Variants in PKD1L1 observed in about 807,000 individuals in gnomAD.
PKD1L1 encodes polycystin-1-like protein 1.
In PKD1L1, 236 loss-of-function variants were observed where a neutral mutation model predicts 323.4. The ratio of observed to expected loss-of-function variants is 0.73; its 90% confidence interval spans 0.66 to 0.81. The LOEUF (loss-of-function observed/expected upper bound fraction) is 0.81, where lower values mean the gene tolerates loss of function less well. Ranked by LOEUF, PKD1L1 falls within the 40% of genes least tolerant of loss-of-function variation. The pLI, the probability that PKD1L1 is intolerant of heterozygous loss-of-function variation, is 0.00. For missense variants in PKD1L1, 3,320 were observed against 3,508.0 expected (o/e 0.95, Z 1.35); for synonymous variants, 1,344 against 1,335.0 (o/e 1.01, Z -0.15).
At chr7:47,778,520 C>G (rs17545292) in intron 56 of PKD1L1, among the ~76,000 whole-genome samples, 1 of 152,016 alleles carries the variant, frequency 6.6e-6, no homozygotes, top group Admixed American at 6.5e-5. Flanking sequence ...AGCCCTCAAA[C>G]AGGTGAAGAT....
chr7:47,892,001 G>C (rs1786830037), intron 15 of PKD1L1, among the ~76,000 whole-genome samples: 1 of 152,180 alleles, frequency 6.6e-6, no homozygotes, highest in African/African-American at 2.4e-5. Flanking sequence ...CAGGGGTTGG[G>C]AAAACAACGC....
rs145295983 is a variant in PKD1L1 at position 47,845,064 on chromosome 7, G to A, written c.5168C>T (p.Ala1723Val). Residue 1723 changes from alanine (A) to valine (V), a missense_variant, in exon 33 of 57, where the codon GCG becomes GTG. Ala to Val is a moderately conservative substitution (Grantham distance 64). Coordinates refer to ENST00000289672, the MANE Select transcript of PKD1L1 (RefSeq NM_138295.5). ...CTTTCTCCTTAGGAGAGCGAATGCC[G>A]CGAGGCGATGGTAGCTAGGAGGGAA... ...EKVNCSYHRL[A>V]AFALLRRKLK... 50 of 1,613,424 alleles carry A rather than the reference G, an allele frequency of 3.1e-5. No individual in the cohort carries two copies. The African/African-American group carries it at 4.1e-4, about 13-fold the overall frequency.
intron 46 of PKD1L1, chr7:47,818,189 GCATAAGGTGAGCAGATA>G: frequency 7.3e-7 from 1 of 1,365,944 alleles, no homozygotes; most frequent in Non-Finnish European, 9.8e-7. Flanking sequence ...GAGATGGGAG[GCATAAGGTGAGCAGATA>G]CATCTCTGCA....
At chr7:47,890,036 A>T (rs991163378) in intron 16 of PKD1L1, among the ~76,000 whole-genome samples, 2 of 152,206 alleles carry the variant, frequency 1.3e-5, no homozygotes, top group Non-Finnish European at 2.9e-5. Flanking sequence ...TTCTGGCCTC[A>T]GCGCTACAGG....
Position 47,813,108 on chromosome 7 carries a change from G to C in PKD1L1, c.7346+13C>G. The C allele has an allele frequency of 1.2e-6, 2 of 1,608,750 alleles. No individual in the cohort carries two copies. Among genetic ancestry groups the C allele is most frequent in the Non-Finnish European group, 1.7e-6 (2 of 1,177,504 alleles). ...CAGGCAGGATGAGCCCCGGCCCTTC[G>C]AATCTCACTGACCTTGTTCTGCCCA... On this transcript the variant is annotated intron_variant, in intron 49 of 56. Transcript: ENST00000289672.
At chr7:47,824,755 T>A (rs563407539) in intron 45 of PKD1L1, among the ~76,000 whole-genome samples, 3 of 152,186 alleles carry the variant, frequency 2.0e-5, no homozygotes, top group Non-Finnish European at 4.4e-5. Context: ...CTGCAGCGAA[T>A]CCTGCAGGCC....
rs76709232 is a variant in PKD1L1, at chr7:47,814,205, G to A, written c.7090-191C>T. 1.3e-4 allele frequency among the ~76,000 whole-genome samples: 20 copies of A among 152,262 alleles called. No homozygotes were observed. In the East Asian group the frequency reaches 3.9e-3, roughly 29 times the overall value. On this transcript the variant is annotated intron_variant, in intron 47 of 56. Coordinates refer to ENST00000289672, the MANE Select transcript of PKD1L1 (RefSeq NM_138295.5). ...TAAGAAGGCAGCAACAACCTCCCCA[G>A]ACTTGTCCTGGAAAAGGGTTAACGT...
intron 28 of PKD1L1, 128 bp downstream of exon 28, chr7:47,857,477 G>A: frequency 1.4e-6 from 1 of 719,032 alleles, no homozygotes. Context: ...TCTTGGCACT[G>A]AGAGGGTGCA....
chr7:47,917,089 T>A (rs1407604305), intron 7 of PKD1L1, among the ~76,000 whole-genome samples: 1 of 151,540 alleles, frequency 6.6e-6, no homozygotes, highest in African/African-American at 2.4e-5. Flanking sequence ...ATACAAGAAG[T>A]GAAGGAGAAA....
intron 56 of PKD1L1, among the ~76,000 whole-genome samples, chr7:47,784,291 T>C (rs1286295095): frequency 5.3e-5 from 8 of 152,234 alleles, no homozygotes; most frequent in Non-Finnish European, 2.9e-5. Flanking sequence ...ATTAAGTATT[T>C]GTAAGCCATA....
chr7:47,803,443 T>C lies in PKD1L1; in HGVS notation c.7828-99A>G, dbSNP rs1262094127. On this transcript the variant is annotated intron_variant, in intron 52 of 56. Transcript: ENST00000289672. ...GTCATGCATAAAGAGTTCATTGGAT[T>C]TGATGATGTTATATAGACCCATGAG... is the stretch of plus-strand genomic sequence containing the variant. 5.2e-5 allele frequency: 73 copies of C among 1,404,112 alleles called. 1 individual carries two copies. The Admixed American group carries it at 1.4e-3, about 27-fold the overall frequency. The allele number at this position is 1,404,112 out of a possible 1,614,324, so 87.0% of individuals were successfully genotyped here.
intron 45 of PKD1L1, among the ~76,000 whole-genome samples, chr7:47,824,684 T>C (rs1254459062): frequency 2.6e-5 from 4 of 152,156 alleles, no homozygotes; most frequent in Non-Finnish European, 1.5e-5. Context: ...CATATTCTTG[T>C]CCCCTTTCAT....
chr7:47,904,881 A>G (rs564105758), intron 11 of PKD1L1, among the ~76,000 whole-genome samples: 66 of 152,196 alleles, frequency 4.3e-4, no homozygotes, highest in African/African-American at 1.6e-3. Flanking sequence ...TTAGATGAGG[A>G]ATTTCTTAGG....
chr7:47,839,409 C>T lies in PKD1L1; in HGVS notation c.5769+37G>A, dbSNP rs1187277060. 1 of 1,554,016 alleles carries T rather than the reference C, an allele frequency of 6.4e-7. No individual in the cohort carries two copies. Among genetic ancestry groups the T allele is most frequent in the Non-Finnish European group, 8.8e-7 (1 of 1,140,394 alleles). ...CAGGTGCCATGCTCTGCCGGTCAGC[C>T]AGGTGCGCCACGAGAGGCCACCTGG... On this transcript the variant is annotated intron_variant, in intron 36 of 56. Coordinates refer to ENST00000289672, the MANE Select transcript of PKD1L1 (RefSeq NM_138295.5). The surrounding 1 kb of genome is among the most constrained non-coding windows in gnomAD (Gnocchi z 4.3).
In PKD1L1 at chr7:47,896,277, C is replaced by T. The variant is rs528904594; in HGVS notation, c.2271+1711G>A. Among the ~76,000 whole-genome samples, 5 of 138,612 alleles carry T rather than the reference C, an allele frequency of 3.6e-5. No homozygotes were observed. The South Asian group carries it at 1.1e-3, about 31-fold the overall frequency. The allele number at this position is 138,612 out of a possible 152,430, so 90.9% of individuals were successfully genotyped here. ...CCAGGAGGGAGAGGTTGCAGTGAGC[C>T]GAGATTGCAGCCACTGCACTCCAGC... On this transcript the variant is annotated intron_variant, in intron 14 of 56. Coordinates refer to ENST00000289672, the MANE Select transcript of PKD1L1 (RefSeq NM_138295.5).
intron 21 of PKD1L1, among the ~76,000 whole-genome samples, chr7:47,879,580 C>A (rs544584353): frequency 1.4e-5 from 2 of 142,732 alleles, no homozygotes; most frequent in African/African-American, 5.3e-5. Flanking sequence ...TTGCAGTGAG[C>A]TGAGACCGTG....
At chr7:47,794,757 C>T (rs1405992616) in intron 55 of PKD1L1, among the ~76,000 whole-genome samples, 1 of 152,184 alleles carries the variant, frequency 6.6e-6, no homozygotes, top group Non-Finnish European at 1.5e-5. Flanking sequence ...TGCAAAGCTA[C>T]AGGGGCAGAG....
intron 4 of PKD1L1, among the ~76,000 whole-genome samples, chr7:47,934,434 C>T (rs938447399): frequency 6.6e-5 from 10 of 152,186 alleles, no homozygotes; most frequent in East Asian, 3.8e-4. Flanking sequence ...CATGTCAACC[C>T]GGATCTTCTG....
intron 46 of PKD1L1, among the ~76,000 whole-genome samples, chr7:47,817,142 A>G (rs1334886430): frequency 6.6e-6 from 1 of 152,144 alleles, no homozygotes; most frequent in East Asian, 1.9e-4. Context: ...GAAGCAGGAG[A>G]ATCGCTTGAA....
Sources: gnomAD v4.1 joint callset for allele counts (sites outside exome capture counted in the v4.1 genomes callset) on GRCh38, gnomAD v4.1.1 for gene constraint, Gnocchi (gnomAD v3.1) non-coding constraint, MANE v1.5 for transcripts, NCBI Gene and HGNC (gene_info 2026-07-23, HGNC 2026-07-21) for gene names.